HEPACAM: variants seen among roughly 807,000 people sequenced by gnomAD.
HEPACAM encodes hepatocyte cell adhesion molecule.
Under a neutral mutation model 38.3 loss-of-function variants are expected in HEPACAM, and 18 were observed. That is an observed-to-expected ratio of 0.47 (90% CI 0.33 to 0.70). The LOEUF (loss-of-function observed/expected upper bound fraction) is 0.70, where lower values mean the gene tolerates loss of function less well. HEPACAM is among the 30% of genes least tolerant of loss of function. HEPACAM has a pLI of 0.03. For missense variants in HEPACAM, 466 were observed against 563.0 expected, an observed-to-expected ratio of 0.83 and a Z score of 1.74; for synonymous variants, 216 against 243.1, an observed-to-expected ratio of 0.89 and a Z score of 1.04.
chr11:124,920,223 G>A lies in HEPACAM; in HGVS notation c.*915C>T. 2.3e-6 allele frequency: 2 copies of A among 868,676 alleles called. No individual in the cohort carries two copies. Among genetic ancestry groups the A allele is most frequent in the Non-Finnish European group, 3.5e-6 (2 of 567,442 alleles). The allele number at this position is 868,676 out of a possible 1,614,324, so 53.8% of individuals were successfully genotyped here. A position where few individuals can be genotyped will look rare whatever the true frequency, so the allele number is the denominator to read the frequency against. On this transcript the variant is annotated 3_prime_UTR_variant, in exon 7 of 7. Transcript: ENST00000298251. ...AACAACTTTCCTGAGGACAATGATT[G>A]TTTGAAAGGCTTGTTTTGTAAGGAA...
chr11:124,925,451 C>T (rs1409037460), intron 1 of HEPACAM, among the ~76,000 whole-genome samples: 1 of 152,188 alleles, frequency 6.6e-6, no homozygotes, highest in African/African-American at 2.4e-5. Context: ...ATGAGCAAAG[C>T]CAACAAAAAT....
chr11:124,935,850 A>G (rs1299638019), intron 1 of HEPACAM, 72 bp downstream of exon 1: 14 of 1,341,074 alleles, frequency 1.0e-5, no homozygotes, highest in Non-Finnish European at 1.3e-5. Context: ...CAGGCCCTCC[A>G]CTCTCCCCTC....
In HEPACAM at chr11:124,924,804, C is replaced by T. The variant is rs1947185256; in HGVS notation, c.351G>A (p.Glu117=). Residue 117 remains glutamate (E), a synonymous_variant, in exon 2 of 7, where the codon GAG becomes GAA. Coordinates refer to ENST00000298251, the MANE Select transcript of HEPACAM (RefSeq NM_152722.5). This position sits in a 1 kb window ranked among gnomAD's most constrained non-coding sequence, Gnocchi z 4.4. ...LLLSDLQLAD[E]GTYEVEISIT... ...TGGAGATCTCGACCTCATAGGTGCC[C>T]TCATCGGCCAGCTGCAGGTCGCTGA... 1 of 1,614,020 alleles carries T rather than the reference C, an allele frequency of 6.2e-7. No homozygotes were observed.
chr11:124,923,513 G>T, intron 3 of HEPACAM, 80 bp from the exon 4 acceptor site: 1 of 1,183,454 alleles, frequency 8.4e-7, no homozygotes. Flanking sequence ...TGCCATGGAT[G>T]GAAGAGAGGG....
In HEPACAM at chr11:124,920,699, A is replaced by C. The variant is rs1947119452; in HGVS notation, c.*439T>G. The stretch of plus-strand genomic sequence containing the variant: ...CTTGCAAAAAAAAAAAAAAAAAAAA[A>C]AAAAAAAAAAGTGCCCCAGCACTCA... On this transcript the variant is annotated 3_prime_UTR_variant, in exon 7 of 7. Transcript: ENST00000298251. The C allele has an allele frequency of 9.7e-7, 1 of 1,032,780 alleles. No individual in the cohort carries two copies. 64.0% of individuals were successfully genotyped at this position (1,032,780 alleles called of 1,614,324 possible). A position where few individuals can be genotyped will look rare whatever the true frequency, so the allele number is the denominator to read the frequency against.
Position 124,921,206 on chromosome 11 carries a change from G to C in HEPACAM, c.1183C>G (p.Leu395Val). The C allele has an allele frequency of 6.6e-7, 1 of 1,507,436 alleles. No individual in the cohort carries two copies. Among genetic ancestry groups the C allele is most frequent in the Non-Finnish European group, 8.8e-7 (1 of 1,135,082 alleles). 93.4% of individuals were successfully genotyped at this position (1,507,436 alleles called of 1,614,324 possible). A position where few individuals can be genotyped will look rare whatever the true frequency, so the allele number is the denominator to read the frequency against. Reference protein sequence around the residue: ...PGRSRSASRTLRTAGVHIIRE... With the variant: ...PGRSRSASRTVRTAGVHIIRE... ...ATTATGTGCACGCCCGCAGTCCGCA[G>C]TGTGCGCGAGGCGCTGCGCGAGCGG... The change falls in exon 7 of 7, where the codon CTG (leucine) becomes GTG (valine). Residue 395 changes from leucine (L) to valine (V), a missense_variant. Transcript: ENST00000298251. This position sits in a 1 kb window ranked among gnomAD's most constrained non-coding sequence, Gnocchi z 4.6.
In HEPACAM at chr11:124,919,979, A is replaced by G. The variant is rs1275323885; in HGVS notation, c.*1159T>C. 1.9e-6 allele frequency: 3 copies of G among 1,613,536 alleles called. No individual in the cohort carries two copies. Among genetic ancestry groups the G allele is most frequent in the African/African-American group, 2.7e-5 (2 of 74,902 alleles). ...GCGGTGGCATGGGCATGTCCTGGCTACACAGCGGCCCAGCCTCTTTATTTT... is the reference window on the plus strand; with the variant it reads ...GCGGTGGCATGGGCATGTCCTGGCTGCACAGCGGCCCAGCCTCTTTATTTT... On this transcript the variant is annotated 3_prime_UTR_variant, in exon 7 of 7. Transcript: ENST00000298251.
At position 124,920,336 on chromosome 11, in the gene HEPACAM, C is replaced by T; in HGVS notation, c.*802G>A. 6.8e-7 allele frequency: 1 copy of T among 1,473,210 alleles called. No individual in the cohort carries two copies. The highest frequency in any genetic ancestry group is 9.2e-7 in the Non-Finnish European group (1 of 1,087,880). The allele number at this position is 1,473,210 out of a possible 1,614,324, so 91.3% of individuals were successfully genotyped here. ...CCAGGGGAGTAAGTGAAATTCACTT[C>T]TCTATAAGAATAAGCCCATCCATCT... On this transcript the variant is annotated 3_prime_UTR_variant, in exon 7 of 7. Transcript: ENST00000298251.
In HEPACAM at chr11:124,919,727, A is replaced by G. The variant is rs758244596; in HGVS notation, c.*1411T>C. On this transcript the variant is annotated 3_prime_UTR_variant, in exon 7 of 7. Transcript: ENST00000298251. Reference sequence around the variant, plus strand: ...ATGTCAGTGCCTTTGGGGCTGAGACAAAACTTGACCTGGTGTGGAGGTGAT... The same window carrying G: ...ATGTCAGTGCCTTTGGGGCTGAGACGAAACTTGACCTGGTGTGGAGGTGAT... The G allele has an allele frequency of 1.1e-5, 18 of 1,610,820 alleles. No homozygotes were observed. The highest frequency in any genetic ancestry group is 1.4e-5 in the Non-Finnish European group (17 of 1,178,380).
intron 1 of HEPACAM, among the ~76,000 whole-genome samples, chr11:124,928,748 C>G (rs1482671192): frequency 6.6e-6 from 1 of 152,176 alleles, no homozygotes; most frequent in Admixed American, 6.5e-5. Context: ...CCTGGAAGCC[C>G]TCTCCCGACT....
At chr11:124,934,056 C>A (rs60965969) in intron 1 of HEPACAM, among the ~76,000 whole-genome samples, 1 of 152,174 alleles carries the variant, frequency 6.6e-6, no homozygotes, top group Admixed American at 6.5e-5. Flanking sequence ...ATACCTCTCT[C>A]CAACCCTGAC....
chr11:124,922,098 G>C (rs1394167332), intron 6 of HEPACAM, among the ~76,000 whole-genome samples: 2 of 152,330 alleles, frequency 1.3e-5, no homozygotes, highest in African/African-American at 4.8e-5. Flanking sequence ...TTCGATTCTC[G>C]ATTCTCGTAG....
At position 124,920,552 on chromosome 11, in the gene HEPACAM, G is replaced by C. The variant is rs1458772714; in HGVS notation, c.*586C>G. The C allele has an allele frequency of 8.8e-6, 12 of 1,370,928 alleles. No individual in the cohort carries two copies. The highest frequency in any genetic ancestry group is 1.2e-5 in the Non-Finnish European group (12 of 1,042,590). The allele number at this position is 1,370,928 out of a possible 1,614,324, so 84.9% of individuals were successfully genotyped here. Reference sequence around the variant, plus strand: ...CCCCAGGTACCAGGTGCCCAGGGAAGAAGGCCTTCACAATGATCCCCCCAG... The same window carrying C: ...CCCCAGGTACCAGGTGCCCAGGGAACAAGGCCTTCACAATGATCCCCCCAG... On this transcript the variant is annotated 3_prime_UTR_variant, in exon 7 of 7. Coordinates refer to ENST00000298251, the MANE Select transcript of HEPACAM (RefSeq NM_152722.5).
chr11:124,920,774 T>A lies in HEPACAM; in HGVS notation c.*364A>T. ...GTGGGTGGGAAACAACACAGCTCCCTAGGAAGAGCACAGGATAGTCACGGG... is the reference window on the plus strand; with the variant it reads ...GTGGGTGGGAAACAACACAGCTCCCAAGGAAGAGCACAGGATAGTCACGGG... On this transcript the variant is annotated 3_prime_UTR_variant, in exon 7 of 7. Transcript: ENST00000298251. 1 of 1,039,962 alleles carries A rather than the reference T, an allele frequency of 9.6e-7. No individual in the cohort carries two copies. Among genetic ancestry groups the A allele is most frequent in the Non-Finnish European group, 1.2e-6 (1 of 868,162 alleles). The allele number at this position is 1,039,962 out of a possible 1,614,324, so 64.4% of individuals were successfully genotyped here.
chr11:124,920,597 A>G lies in HEPACAM; in HGVS notation c.*541T>C, dbSNP rs1449177683. 1.4e-5 allele frequency: 16 copies of G among 1,105,380 alleles called. No homozygotes were observed. Among genetic ancestry groups the G allele is most frequent in the African/African-American group, 1.7e-5 (1 of 57,328 alleles). 68.5% of individuals were successfully genotyped at this position (1,105,380 alleles called of 1,614,324 possible). ...CCCCAGCTCAGAACAGCCCCTGCACACCCAGTAACCGGCATCTGGCTTCTC... is the reference window on the plus strand; with the variant it reads ...CCCCAGCTCAGAACAGCCCCTGCACGCCCAGTAACCGGCATCTGGCTTCTC... On this transcript the variant is annotated 3_prime_UTR_variant, in exon 7 of 7. Transcript: ENST00000298251.
At position 124,923,843 on chromosome 11, in the gene HEPACAM, G is replaced by A; in HGVS notation, c.595C>T (p.Gln199Ter). The A allele has an allele frequency of 6.2e-7, 1 of 1,614,158 alleles. No individual in the cohort carries two copies. Among genetic ancestry groups the A allele is most frequent in the Non-Finnish European group, 8.5e-7 (1 of 1,180,034 alleles). ...ACGCGGGTGATGGTGAGCACCTTTT[G>A]GTCGGGGGACAGGAGCATTCTCGAG... is the stretch of plus-strand genomic sequence containing the variant. ...NDSRMLLSPDQKVLTITRVLM... is the reference protein window; with the variant it reads ...NDSRMLLSPD Residue 199 changes from glutamine to a stop codon, truncating the protein, a stop_gained, in exon 3 of 7, where the codon CAA (glutamine) becomes TAA (stop). Transcript: ENST00000298251. LOFTEE classifies it high-confidence loss of function.
intron 1 of HEPACAM, among the ~76,000 whole-genome samples, chr11:124,927,703 A>G (rs1203469272): frequency 1.3e-5 from 2 of 151,950 alleles, no homozygotes; most frequent in Non-Finnish European, 2.9e-5. Flanking sequence ...ATTACTTGCC[A>G]GGAATGTTAG....
Position 124,919,638 on chromosome 11 carries a change from G to C in HEPACAM, c.*1500C>G. 3.2e-6 allele frequency: 4 copies of C among 1,243,886 alleles called. No homozygotes were observed. The South Asian group carries it at 4.4e-5, about 14-fold the overall frequency. 77.1% of individuals were successfully genotyped at this position (1,243,886 alleles called of 1,614,324 possible). Reference sequence around the variant, plus strand: ...CCTGCTCAAATGAGCCTGGGGAAGTGCCGAGGGACAGGGAGCTGAGACAGG... The same window carrying C: ...CCTGCTCAAATGAGCCTGGGGAAGTCCCGAGGGACAGGGAGCTGAGACAGG... On this transcript the variant is annotated 3_prime_UTR_variant, in exon 7 of 7. Transcript: ENST00000298251.
chr11:124,919,679 A>T lies in HEPACAM; in HGVS notation c.*1459T>A. ...CTGAGACAGGCATGCTGTGGGGTTC[A>T]GGGCAGAGGGGGCAAACTAGAAATG... On this transcript the variant is annotated 3_prime_UTR_variant, in exon 7 of 7. Transcript: ENST00000298251. 3.2e-6 allele frequency: 5 copies of T among 1,545,228 alleles called. No homozygotes were observed. Among genetic ancestry groups the T allele is most frequent in the Admixed American group, 1.7e-5 (1 of 57,336 alleles).
Sources: allele counts gnomAD v4.1 joint callset (sites outside exome capture counted in the v4.1 genomes callset), GRCh38; gene constraint gnomAD v4.1.1; non-coding constraint Gnocchi (gnomAD v3.1); transcripts MANE v1.5; gene names NCBI Gene and HGNC (gene_info 2026-07-23, HGNC 2026-07-21).